The following CORO2A variants were observed in gnomAD, a reference collection of about 807,000 sequenced individuals.
CORO2A encodes the protein coronin 2A.
Under a neutral mutation model 62.4 loss-of-function variants are expected in CORO2A, and 47 were observed. The observed-to-expected ratio is 0.75, with a 90% CI of 0.60 to 0.96. The LOEUF (loss-of-function observed/expected upper bound fraction) is 0.96. CORO2A is among the 40% of genes least tolerant of loss of function. The pLI, the probability that CORO2A is intolerant of heterozygous loss-of-function variation, is 0.00. For missense variants in CORO2A, 610 were observed against 684.1 expected (o/e 0.89, Z 1.21); for synonymous variants, 273 against 268.9 (o/e 1.02, Z -0.15).
At chr9:98,150,759 G>A (rs1428212432) in intron 2 of CORO2A, among the ~76,000 whole-genome samples, 1 of 152,194 alleles carries the variant, frequency 6.6e-6, no homozygotes, top group Non-Finnish European at 1.5e-5. Context: ...TTACAAGCAT[G>A]CAAAGCTTGG....
At chr9:98,124,977 C>G (rs1173845040) in intron 11 of CORO2A, 72 bp from the exon 12 acceptor site, 16 of 1,517,494 alleles carry the variant, frequency 1.1e-5, no homozygotes, top group Non-Finnish European at 1.4e-5. Flanking sequence ...ACCACTATCC[C>G]TCTTTGACTC....
At chr9:98,189,091 T>C (rs1462319589) in intron 1 of CORO2A, among the ~76,000 whole-genome samples, 4 of 152,212 alleles carry the variant, frequency 2.6e-5, no homozygotes. Flanking sequence ...GCTCTTTAAA[T>C]ACCTGTATAT....
At chr9:98,157,345 G>T (rs779347372) in intron 2 of CORO2A, 115 bp downstream of exon 2, 1 of 910,838 alleles carries the variant, frequency 1.1e-6, no homozygotes. Flanking sequence ...CTTACTCAAG[G>T]TCACACAGCT....
chr9:98,191,272 G>C (rs951517730), intron 1 of CORO2A, among the ~76,000 whole-genome samples: 1 of 152,218 alleles, frequency 6.6e-6, no homozygotes, highest in Non-Finnish European at 1.5e-5. Context: ...GGAGGGGCAG[G>C]AAGCTGGGGA....
At chr9:98,151,246 GGAAAA>G (rs1348608541) in intron 2 of CORO2A, among the ~76,000 whole-genome samples, 3 of 152,014 alleles carry the variant, frequency 2.0e-5, no homozygotes, top group African/African-American at 7.2e-5. Flanking sequence ...ATGGTTCTAA[GGAAAA>G]AATAGGCTTG....
At chr9:98,127,439 G>T (rs1389124266) in intron 10 of CORO2A, among the ~76,000 whole-genome samples, 2 of 152,172 alleles carry the variant, frequency 1.3e-5, no homozygotes, top group Non-Finnish European at 2.9e-5. Flanking sequence ...GGCAGGAGCG[G>T]GAGAGTGGCT....
rs1355405244 is a variant in CORO2A, at chr9:98,124,365, A to G, written c.*409T>C. On this transcript the variant is annotated 3_prime_UTR_variant, in exon 12 of 12. Transcript: ENST00000375077. ...AGCAATCCGCCCACCTCAGCCTCCC[A>G]GAGTGCTGGGATTACAGGCATGAGC... 1.2e-4 allele frequency: 19 copies of G among 153,352 alleles called. No individual in the cohort carries two copies. Among genetic ancestry groups the G allele is most frequent in the African/African-American group, 4.6e-4 (19 of 41,446 alleles). 9.5% of individuals were successfully genotyped at this position (153,352 alleles called of 1,614,324 possible).
chr9:98,163,763 AGAGAGAGAGAG>A (rs1827922563), intron 1 of CORO2A, among the ~76,000 whole-genome samples: 1 of 150,012 alleles, frequency 6.7e-6, no homozygotes, highest in Non-Finnish European at 1.5e-5. Context: ...AGAGAGAGAG[AGAGAGAGAGAG>A]AAAGAGACAG....
chr9:98,146,207 A>G (rs1436996863), intron 2 of CORO2A, among the ~76,000 whole-genome samples: 6 of 152,086 alleles, frequency 3.9e-5, no homozygotes, highest in African/African-American at 1.4e-4. Context: ...CTCACAGCAA[A>G]GTCCACCTTC....
intron 10 of CORO2A, among the ~76,000 whole-genome samples, chr9:98,127,859 A>AGGGGTGGGGAACAGGGAC (rs1214164532): frequency 5.0e-5 from 7 of 140,130 alleles, no homozygotes; most frequent in Middle Eastern, 3.8e-3. Flanking sequence ...TTGCAGAGGT[A>AGGGGTGGGGAACAGGGAC]GGGGTGGGGA....
intron 1 of CORO2A, among the ~76,000 whole-genome samples, chr9:98,184,770 T>A (rs59025844): frequency 0.23 from 34,353 of 151,946 alleles, 3,910 homozygotes; most frequent in African/African-American, 0.26. Flanking sequence ...GGTGTGTGGT[T>A]AATGGCGGCT....
chr9:98,143,117 C>G (rs1432173399), intron 2 of CORO2A, among the ~76,000 whole-genome samples: 1 of 152,214 alleles, frequency 6.6e-6, no homozygotes, highest in Non-Finnish European at 1.5e-5. Flanking sequence ...CACGCCTGCT[C>G]CCCTCGCAGA....
chr9:98,155,413 C>T (rs1827789414), intron 2 of CORO2A, among the ~76,000 whole-genome samples: 1 of 133,194 alleles, frequency 7.5e-6, no homozygotes, highest in Non-Finnish European at 1.5e-5. Flanking sequence ...GTGGCATGAT[C>T]TCAGCTCACT....
Position 98,128,589 on chromosome 9 carries a change from G to A in CORO2A, c.1080+18C>T, listed in dbSNP as rs375771898. ...CAGGTTCCCCACCTGCCTCCCATGC[G>A]GTCCCGACTGCCCTTACCCGCCGGG... On this transcript the variant is annotated intron_variant, in intron 9 of 11. Transcript: ENST00000375077. 172 of 1,607,012 alleles carry A rather than the reference G, an allele frequency of 1.1e-4. 1 individual carries two copies. The highest frequency in any genetic ancestry group is 1.2e-4 in the African/African-American group (9 of 74,764).
intron 2 of CORO2A, among the ~76,000 whole-genome samples, chr9:98,143,451 C>A (rs1266157646): frequency 1.3e-5 from 2 of 152,306 alleles, no homozygotes; most frequent in South Asian, 4.1e-4. Flanking sequence ...AGGGAGGACA[C>A]ACAGTGTAGC....
At chr9:98,190,258 C>T (rs186269073) in intron 1 of CORO2A, among the ~76,000 whole-genome samples, 1 of 152,300 alleles carries the variant, frequency 6.6e-6, no homozygotes, top group East Asian at 1.9e-4. Context: ...ATAAAGTCCC[C>T]AAAGTAGCCG....
chr9:98,139,994 G>T (rs1297922252), intron 2 of CORO2A, among the ~76,000 whole-genome samples: 1 of 152,042 alleles, frequency 6.6e-6, no homozygotes, highest in Non-Finnish European at 1.5e-5. Context: ...ATTTCTTGGG[G>T]TCATAGAGAA....
intron 1 of CORO2A, among the ~76,000 whole-genome samples, chr9:98,184,244 A>G (rs1438841821): frequency 6.6e-6 from 1 of 151,250 alleles, no homozygotes; most frequent in South Asian, 2.1e-4. Context: ...TTTTTTTTTT[A>G]ATAGAGGCAA....
rs911877415 is a variant in CORO2A, at chr9:98,134,732, G to A, written c.468+74C>T. 1.0e-5 allele frequency: 15 copies of A among 1,469,552 alleles called. No individual in the cohort carries two copies. The African/African-American group carries it at 2.0e-4, about 19-fold the overall frequency. The allele number at this position is 1,469,552 out of a possible 1,614,324, so 91.0% of individuals were successfully genotyped here. ...ATTTCTGGTCTCCAGAACTGTGACA[G>A]AATACATTTCCATTGTATTCCAGTT... On this transcript the variant is annotated intron_variant, in intron 4 of 11. Transcript: ENST00000375077.
Sources: gnomAD v4.1 joint callset for allele counts (sites outside exome capture counted in the v4.1 genomes callset) on GRCh38, gnomAD v4.1.1 for gene constraint, MANE v1.5 for transcripts, NCBI Gene and HGNC (gene_info 2026-07-23, HGNC 2026-07-21) for gene names.